The following NDRG4 variants were observed in gnomAD, a reference collection of about 807,000 sequenced individuals.
NDRG4 encodes NDRG family member 4.
A neutral mutation model predicts 55.8 loss-of-function variants in NDRG4; 38 were observed. The observed-to-expected ratio is 0.68, with a 90% CI of 0.53 to 0.89. The LOEUF (loss-of-function observed/expected upper bound fraction) is 0.89. Among genes scored for constraint, NDRG4 ranks in the 40% least tolerant of loss-of-function variants. The pLI, the probability that NDRG4 is intolerant of heterozygous loss-of-function variation, is 0.00. For synonymous variants in NDRG4, 190 were observed against 182.7 expected, an observed-to-expected ratio of 1.04 and a Z score of -0.32; for missense variants, 455 against 468.6, an observed-to-expected ratio of 0.97 and a Z score of 0.27.
intron 1 of NDRG4, among the ~76,000 whole-genome samples, chr16:58,476,587 G>T (rs914751045): frequency 2.6e-5 from 4 of 152,126 alleles, no homozygotes; most frequent in Non-Finnish European, 5.9e-5. Flanking sequence ...GGCAAGGGGG[G>T]CCTCATGCTG....
At chr16:58,500,757 G>T in intron 1 of NDRG4, 1 of 414,812 alleles carries the variant, frequency 2.4e-6, no homozygotes, top group Non-Finnish European at 4.2e-6. Context: ...TGTGCGTGCA[G>T]GGGCTGCCGT....
chr16:58,466,647 A>T (rs981856185), intron 1 of NDRG4, among the ~76,000 whole-genome samples: 19 of 152,136 alleles, frequency 1.2e-4, no homozygotes, highest in African/African-American at 4.1e-4. Context: ...GCCCTGGGAG[A>T]CAACCCATCC....
chr16:58,514,693 G>T (rs551549108), downstream of NDRG4, among the ~76,000 whole-genome samples: 14 of 138,828 alleles, frequency 1.0e-4, no homozygotes, highest in Non-Finnish European at 1.5e-4. Flanking sequence ...AGTGAGCCGA[G>T]ATCGCACCAC....
intron 2 of NDRG4, among the ~76,000 whole-genome samples, chr16:58,491,122 C>G (rs921839746): frequency 6.6e-6 from 1 of 151,218 alleles, no homozygotes; most frequent in African/African-American, 2.4e-5. Flanking sequence ...ACTAAAAATA[C>G]AAAATTAGCC....
chr16:58,483,641 C>CT (rs2034734530), intron 1 of NDRG4, among the ~76,000 whole-genome samples: 1 of 152,192 alleles, frequency 6.6e-6, no homozygotes, highest in South Asian at 2.1e-4. Flanking sequence ...AATCTATCCT[C>CT]TAACAGAAAC....
At chr16:58,502,150 A>T in intron 1 of NDRG4, 2 of 401,360 alleles carry the variant, frequency 5.0e-6, no homozygotes, top group South Asian at 3.4e-5. Flanking sequence ...GACCTTGGGC[A>T]AGTCATTTCC....
intron 2 of NDRG4, among the ~76,000 whole-genome samples, chr16:58,492,488 C>CTGTG: frequency 7.1e-6 from 1 of 140,204 alleles, no homozygotes; most frequent in South Asian, 2.4e-4. Context: ...ATCTGCTCCA[C>CTGTG]CGTGTGTGTG....
intron 14 of NDRG4, 43 bp from the exon 15 acceptor site, chr16:58,511,379 C>A: frequency 6.5e-7 from 1 of 1,546,200 alleles, no homozygotes. Flanking sequence ...AGGCACCTGG[C>A]CCTGCCCGCC....
At chr16:58,496,747 T>C (rs2036457935), upstream of NDRG4, among the ~76,000 whole-genome samples, 1 of 152,168 alleles carries the variant, frequency 6.6e-6, no homozygotes. Flanking sequence ...GACACTCAGC[T>C]GACCGTGACG....
At chr16:58,470,050 G>A (rs1026699399) in intron 1 of NDRG4, among the ~76,000 whole-genome samples, 2 of 152,170 alleles carry the variant, frequency 1.3e-5, no homozygotes, top group African/African-American at 4.8e-5. Flanking sequence ...ATGAATAAAA[G>A]GGTATACACA....
chr16:58,502,235 G>C (rs1032915158), intron 1 of NDRG4: 6 of 340,310 alleles, frequency 1.8e-5, no homozygotes, highest in Non-Finnish European at 2.4e-5. Context: ...TGGGTCAGTG[G>C]TCAGTGGCGG....
chr16:58,506,419 G>A lies in NDRG4; in HGVS notation c.405G>A (p.Val135=), dbSNP rs937491676. ...LIFPDLVEGL[V]LVNIDPNGKG... is the part of the protein sequence containing the mutation. The stretch of plus-strand genomic sequence containing the variant: ...TCCCCGACCTGGTGGAGGGGCTGGT[G>A]CTGGTGAACATCGACCCCAATGGCA... Residue 135 remains valine, a synonymous_variant, in exon 6 of 15, where the codon GTG becomes GTA. Coordinates refer to ENST00000570248, the MANE Select transcript of NDRG4 (RefSeq NM_001242835.2). 7.4e-6 allele frequency: 12 copies of A among 1,613,700 alleles called. No individual in the cohort carries two copies. The African/African-American group carries it at 1.1e-4, about 14-fold the overall frequency.
chr16:58,478,702 T>TTG (rs1555528546), intron 1 of NDRG4, among the ~76,000 whole-genome samples: 2 of 146,232 alleles, frequency 1.4e-5, no homozygotes, highest in African/African-American at 5.3e-5. Flanking sequence ...TTTTTGTTTT[T>TTG]TTTTTTTGTA....
At chr16:58,506,522 G>T in intron 6 of NDRG4, 36 bp from the exon 7 acceptor site, 1 of 1,599,690 alleles carries the variant, frequency 6.3e-7, no homozygotes. Context: ...GGTGGGGTGA[G>T]GGGCGGCACT....
At position 58,513,168 on chromosome 16, in the gene NDRG4, ATGTGTG is replaced by A. The variant is rs60858251; in HGVS notation, c.*1616_*1621del. ...GTATCTATAAATATCTATACATTATATGTGTGTGTGTGTGTGTGTGTGTGTGTGTAC... is the reference window on the plus strand; with the variant it reads ...GTATCTATAAATATCTATACATTATATGTGTGTGTGTGTGTGTGTGTGTAC... On this transcript the variant is annotated 3_prime_UTR_variant, in exon 15 of 15. Transcript: ENST00000570248. 19,344 of 150,196 alleles carry A rather than the reference ATGTGTG, an allele frequency of 0.13. 1,285 individuals carry two copies. The highest frequency in any genetic ancestry group is 0.2 in the East Asian group (1,034 of 5,104). The allele number at this position is 150,196 out of a possible 1,614,324, so 9.3% of individuals were successfully genotyped here.
At chr16:58,500,497 C>G in intron 1 of NDRG4, 50 of 452,436 alleles carry the variant, frequency 1.1e-4, no homozygotes, top group South Asian at 6.0e-4. Context: ...ATAGCAGGGG[C>G]TGGGGGGAGC....
upstream of NDRG4, chr16:58,500,081 G>T (rs928917066): frequency 5.4e-6 from 8 of 1,493,910 alleles, no homozygotes; most frequent in African/African-American, 1.4e-5. Flanking sequence ...CCTGCGGGGA[G>T]GAGGGGCTAG....
At chr16:58,472,973 G>A (rs968312554) in intron 1 of NDRG4, among the ~76,000 whole-genome samples, 1 of 152,048 alleles carries the variant, frequency 6.6e-6, no homozygotes, top group Admixed American at 6.6e-5. Context: ...TTCTTCTGGG[G>A]CTCAGTGCTG....
rs140247906 is a variant in NDRG4 at position 58,511,548 on chromosome 16, T to C, written c.1031T>C (p.Val344Ala). Reference protein sequence around the residue: ...HSESSEGLGQVNHTMEVSC With the variant: ...HSESSEGLGQANHTMEVSC ...GAGAGCAGCGAGGGGCTGGGCCAGGTCAACCACACCATGGAGGTGTCCTGT... is the reference window on the plus strand; with the variant it reads ...GAGAGCAGCGAGGGGCTGGGCCAGGCCAACCACACCATGGAGGTGTCCTGT... Residue 344 changes from valine (V) to alanine (A), a missense_variant, in exon 15 of 15, where the codon GTC (valine) becomes GCC (alanine). Coordinates refer to ENST00000570248, the MANE Select transcript of NDRG4 (RefSeq NM_001242835.2). 281 of 1,612,930 alleles carry C rather than the reference T, an allele frequency of 1.7e-4. No individual in the cohort carries two copies. Among genetic ancestry groups the C allele is most frequent in the Non-Finnish European group, 2.2e-4 (265 of 1,179,918 alleles).
Sources: gnomAD v4.1 joint callset for allele counts (sites outside exome capture counted in the v4.1 genomes callset) on GRCh38, gnomAD v4.1.1 for gene constraint, MANE v1.5 for transcripts, NCBI Gene and HGNC (gene_info 2026-07-23, HGNC 2026-07-21) for gene names.